Variants in ATXN1 observed in about 807,000 individuals in gnomAD.
ATXN1 encodes ataxin-1.
Under a neutral mutation model 56.4 loss-of-function variants are expected in ATXN1, and 8 were observed. The observed-to-expected ratio is 0.14, with a 90% CI of 0.08 to 0.26. The LOEUF is 0.26. ATXN1 is among the 10% of genes least tolerant of loss of function. The pLI is 1.00. For missense variants in ATXN1, 987 were observed against 1,106.5 expected, an observed-to-expected ratio of 0.89 and a Z score of 1.53; for synonymous variants, 514 against 494.6, an observed-to-expected ratio of 1.04 and a Z score of -0.52.
intron 3 of ATXN1, among the ~76,000 whole-genome samples, chr6:16,619,589 G>A (rs1320622266): frequency 1.3e-5 from 2 of 152,106 alleles, no homozygotes; most frequent in East Asian, 1.9e-4. Flanking sequence ...TATATGACTA[G>A]AGACACTAAA....
chr6:16,330,359 G>A (rs1048665471), intron 6 of ATXN1, among the ~76,000 whole-genome samples: 11 of 151,534 alleles, frequency 7.3e-5, no homozygotes, highest in Non-Finnish European at 1.3e-4. Context: ...ATTTTTTAGA[G>A]GGGGCAATGA....
At position 16,306,452 on chromosome 6, in the gene ATXN1, C is replaced by T. The variant is rs756334663; in HGVS notation, c.2325G>A (p.Ser775=). ...TCTCCAGTTTGCGGCTCTCTGGCGC[C>T]GACCACCTCCTCTTCCTCGTTGCCG... ...KPAATRKRRW[S]APESRKLEKS... The change falls in exon 8 of 8, where the codon TCG becomes TCA. Residue 775 remains serine (S), a synonymous_variant. Coordinates refer to ENST00000436367, the MANE Select transcript of ATXN1 (RefSeq NM_001128164.2). This position sits in a 1 kb window ranked among gnomAD's most constrained non-coding sequence, Gnocchi z 5.2. 28 of 1,614,044 alleles carry T rather than the reference C, an allele frequency of 1.7e-5. 1 individual carries two copies. In the South Asian group the frequency reaches 2.6e-4, roughly 15 times the overall value.
At chr6:16,494,098 GGGCTGGACTGAGAGGCATCTCCAGTGCA>G (rs1760725538) in intron 5 of ATXN1, among the ~76,000 whole-genome samples, 1 of 9,420 alleles carries the variant, frequency 1.1e-4, no homozygotes. Flanking sequence ...CTCCAGTGCA[GGGCTGGACTGAGAGGCATCTCCAGTGCA>G]GGGCTGGACT....
chr6:16,636,723 A>C (rs1201162344), intron 3 of ATXN1, among the ~76,000 whole-genome samples: 1 of 152,234 alleles, frequency 6.6e-6, no homozygotes, highest in African/African-American at 2.4e-5. Context: ...TTTTCTTCCC[A>C]GGTCATAGCA....
At chr6:16,551,758 C>T (rs74568782) in intron 4 of ATXN1, among the ~76,000 whole-genome samples, 12,274 of 152,268 alleles carry the variant, frequency 0.081, 520 homozygotes, top group African/African-American at 0.092. Context: ...CACGTCTCTA[C>T]ACAGCTATCC....
intron 3 of ATXN1, among the ~76,000 whole-genome samples, chr6:16,605,374 T>C (rs1040427771): frequency 1.3e-5 from 2 of 152,126 alleles, no homozygotes; most frequent in Non-Finnish European, 2.9e-5. Flanking sequence ...GGTATGACTT[T>C]CCCAAGGCCA....
Position 16,392,646 on chromosome 6 carries a change from C to T in ATXN1, c.-160-64176G>A, listed in dbSNP as rs149376309. On this transcript the variant is annotated intron_variant, in intron 6 of 7. Coordinates refer to ENST00000436367, the MANE Select transcript of ATXN1 (RefSeq NM_001128164.2). ...GAGTAGCTGGGATTACAGGCGCCCGCCACCACACCTGGCTAATTTTTGTAT... is the reference window on the plus strand; with the variant it reads ...GAGTAGCTGGGATTACAGGCGCCCGTCACCACACCTGGCTAATTTTTGTAT... Among the ~76,000 whole-genome samples the T allele has an allele frequency of 3.5e-3, 529 of 152,252 alleles. 1 individual carries two copies. The highest frequency in any genetic ancestry group is 0.012 in the African/African-American group (503 of 41,532).
At chr6:16,750,382 A>G (rs1264042631) in intron 2 of ATXN1, among the ~76,000 whole-genome samples, 1 of 152,234 alleles carries the variant, frequency 6.6e-6, no homozygotes, top group Non-Finnish European at 1.5e-5. Flanking sequence ...TAGCTGTATC[A>G]TATTTATAAA....
At chr6:16,663,479 T>A (rs535269662) in intron 2 of ATXN1, among the ~76,000 whole-genome samples, 1 of 152,092 alleles carries the variant, frequency 6.6e-6, no homozygotes, top group Non-Finnish European at 1.5e-5. Flanking sequence ...GGCATAGACA[T>A]GTGAAATACA....
At chr6:16,394,911 T>C (rs139797073) in intron 6 of ATXN1, among the ~76,000 whole-genome samples, 1 of 152,278 alleles carries the variant, frequency 6.6e-6, no homozygotes, top group Non-Finnish European at 1.5e-5. Context: ...GGAGAAACAG[T>C]AGCATGTTGG....
At chr6:16,447,711 C>A (rs928318275) in intron 6 of ATXN1, among the ~76,000 whole-genome samples, 2 of 152,134 alleles carry the variant, frequency 1.3e-5, no homozygotes, top group Non-Finnish European at 2.9e-5. Context: ...ACAGAACCAG[C>A]ACTTAGTAAG....
intron 2 of ATXN1, among the ~76,000 whole-genome samples, chr6:16,719,209 C>G (rs1292949750): frequency 6.6e-6 from 1 of 152,188 alleles, no homozygotes; most frequent in Non-Finnish European, 1.5e-5. Flanking sequence ...CCTCTGTCTT[C>G]TTATATAGAA....
At chr6:16,381,466 C>T (rs1758114103) in intron 6 of ATXN1, among the ~76,000 whole-genome samples, 1 of 152,124 alleles carries the variant, frequency 6.6e-6, no homozygotes, top group South Asian at 2.1e-4. Flanking sequence ...GACTTCCAGG[C>T]CCCCCAGCTG....
chr6:16,635,477 G>A (rs576753527), intron 3 of ATXN1, among the ~76,000 whole-genome samples: 8 of 152,292 alleles, frequency 5.3e-5, no homozygotes, highest in African/African-American at 1.7e-4. Flanking sequence ...CTGGTCTAGA[G>A]AGAAGGAGCT....
chr6:16,656,835 G>A (rs1191955261), intron 3 of ATXN1, among the ~76,000 whole-genome samples: 10 of 152,092 alleles, frequency 6.6e-5, no homozygotes, highest in Non-Finnish European at 1.2e-4. Context: ...GCGCTATACG[G>A]TATAGCTTAT....
chr6:16,504,053 G>A (rs190561066), intron 5 of ATXN1, among the ~76,000 whole-genome samples: 12 of 152,166 alleles, frequency 7.9e-5, no homozygotes, highest in African/African-American at 2.9e-4. Flanking sequence ...CTTCCCCCTT[G>A]CCCCCACCTG....
At chr6:16,500,216 C>T (rs552270495) in intron 5 of ATXN1, among the ~76,000 whole-genome samples, 1 of 152,320 alleles carries the variant, frequency 6.6e-6, no homozygotes, top group South Asian at 2.1e-4. Flanking sequence ...TCACTCTTCT[C>T]AACAACCGTG....
At chr6:16,717,162 T>C (rs1759657389) in intron 2 of ATXN1, among the ~76,000 whole-genome samples, 1 of 152,256 alleles carries the variant, frequency 6.6e-6, no homozygotes, top group South Asian at 2.1e-4. Context: ...GAAAAGACTG[T>C]GTCCTCAAAA....
chr6:16,319,737 A>C (rs1760600497), intron 7 of ATXN1, among the ~76,000 whole-genome samples: 1 of 152,232 alleles, frequency 6.6e-6, no homozygotes, highest in African/African-American at 2.4e-5. Context: ...TTTAAACAAT[A>C]GTCTTTAATT....
Sources: gnomAD v4.1 joint callset for allele counts (sites outside exome capture counted in the v4.1 genomes callset) on GRCh38, gnomAD v4.1.1 for gene constraint, Gnocchi (gnomAD v3.1) non-coding constraint, MANE v1.5 for transcripts, NCBI Gene and HGNC (gene_info 2026-07-23, HGNC 2026-07-21) for gene names.